The following NKAIN2 variants were observed in gnomAD, a reference collection of about 807,000 sequenced individuals.
NKAIN2 encodes the protein sodium/potassium-transporting ATPase subunit beta-1-interacting protein 2.
NKAIN2 carries 14 observed loss-of-function variants against 32.6 expected under a neutral mutation model. The observed-to-expected ratio is 0.43, with a 90% CI of 0.28 to 0.67. NKAIN2 has a LOEUF of 0.67. Among genes scored for constraint, NKAIN2 ranks in the 30% least tolerant of loss-of-function variants. The pLI, the probability that NKAIN2 is intolerant of heterozygous loss-of-function variation, is 0.17. For missense variants in NKAIN2, 198 were observed against 258.3 expected, an observed-to-expected ratio of 0.77 and a Z score of 1.60; for synonymous variants, 80 against 87.2, an observed-to-expected ratio of 0.92 and a Z score of 0.46.
intron 1 of NKAIN2, among the ~76,000 whole-genome samples, chr6:123,859,465 C>T (rs550997618): frequency 6.6e-6 from 1 of 152,130 alleles, no homozygotes; most frequent in Non-Finnish European, 1.5e-5. Flanking sequence ...AATACATTTT[C>T]CCTGGACTTG....
At chr6:124,163,386 C>T (rs1788373504) in intron 1 of NKAIN2, among the ~76,000 whole-genome samples, 1 of 151,554 alleles carries the variant, frequency 6.6e-6, no homozygotes, top group Non-Finnish European at 1.5e-5. Context: ...AAAAGGCCAA[C>T]AAGAATGTCT....
chr6:124,034,695 T>C (rs1309571075), intron 1 of NKAIN2, among the ~76,000 whole-genome samples: 1 of 152,064 alleles, frequency 6.6e-6, no homozygotes, highest in Non-Finnish European at 1.5e-5. Context: ...GAAGTATCCA[T>C]AGTGGTTTCC....
chr6:123,920,378 CATACTT>C (rs560557438), intron 1 of NKAIN2, among the ~76,000 whole-genome samples: 254 of 152,212 alleles, frequency 1.7e-3, no homozygotes, highest in Non-Finnish European at 3.1e-3. Flanking sequence ...ATTTTAAACT[CATACTT>C]AGATTTAGTG....
chr6:124,269,630 G>A (rs1013444476), intron 1 of NKAIN2, among the ~76,000 whole-genome samples: 1 of 151,756 alleles, frequency 6.6e-6, no homozygotes, highest in Non-Finnish European at 1.5e-5. Flanking sequence ...ACCACATTTG[G>A]CTAATTTTTA....
intron 4 of NKAIN2, among the ~76,000 whole-genome samples, chr6:124,740,140 TC>T (rs1777133817): frequency 6.6e-6 from 1 of 151,774 alleles, no homozygotes; most frequent in South Asian, 2.1e-4. Flanking sequence ...TTTTTTTTTT[TC>T]TTTCCATCAT....
At position 123,842,928 on chromosome 6, in the gene NKAIN2, A is replaced by C. The variant is rs550996104; in HGVS notation, c.54+38674A>C. Among the ~76,000 whole-genome samples the C allele has an allele frequency of 1.2e-3, 188 of 152,192 alleles. 2 individuals are homozygous for C. The highest frequency in any genetic ancestry group is 0.01 in the Middle Eastern group (3 of 294). The stretch of plus-strand genomic sequence containing the variant: ...TTATCTATTCAGTGCTGTAATACAT[A>C]CCTTCAGGGTGGCTGATTTACTCAG... On this transcript the variant is annotated intron_variant, in intron 1 of 6. Transcript: ENST00000368417.
intron 3 of NKAIN2, among the ~76,000 whole-genome samples, chr6:124,625,977 T>C (rs1783316496): frequency 6.6e-6 from 1 of 151,928 alleles, no homozygotes; most frequent in Non-Finnish European, 1.5e-5. Context: ...AGTTTTAGGG[T>C]ACATGTGCAC....
At chr6:124,329,005 A>C (rs1265579412) in intron 2 of NKAIN2, among the ~76,000 whole-genome samples, 3 of 152,180 alleles carry the variant, frequency 2.0e-5, no homozygotes, top group Non-Finnish European at 4.4e-5. Context: ...TCCAAGGTGA[A>C]TATACAAGAT....
chr6:124,412,379 T>C (rs1054135134), intron 3 of NKAIN2, among the ~76,000 whole-genome samples: 1 of 152,164 alleles, frequency 6.6e-6, no homozygotes, highest in African/African-American at 2.4e-5. Context: ...TGTTTGTTAG[T>C]TTTCCGTCTG....
chr6:124,598,692 T>A (rs1002809501), intron 3 of NKAIN2, among the ~76,000 whole-genome samples: 15 of 124,808 alleles, frequency 1.2e-4, no homozygotes, highest in African/African-American at 3.7e-4. Flanking sequence ...AAAAAAAAAA[T>A]TATACTATTT....
chr6:124,205,163 A>G (rs1162832521), intron 1 of NKAIN2, among the ~76,000 whole-genome samples: 1 of 151,874 alleles, frequency 6.6e-6, no homozygotes, highest in Non-Finnish European at 1.5e-5. Context: ...AAAATAGTCC[A>G]TAGGCCAAAT....
chr6:124,798,763 G>C (rs896429744), intron 5 of NKAIN2, among the ~76,000 whole-genome samples: 2 of 152,172 alleles, frequency 1.3e-5, no homozygotes, highest in Non-Finnish European at 2.9e-5. Flanking sequence ...GGCCCAGAAA[G>C]ATTAAATGAC....
chr6:123,866,824 A>T (rs7744173), intron 1 of NKAIN2, among the ~76,000 whole-genome samples: 52,867 of 151,896 alleles, frequency 0.35, 9,628 homozygotes, highest in Non-Finnish European at 0.39. Flanking sequence ...TGATAGCCTT[A>T]CTTTCTCTTA....
Position 124,346,400 on chromosome 6 carries a change from C to T in NKAIN2, c.193-8867C>T, listed in dbSNP as rs149899931. On this transcript the variant is annotated intron_variant, in intron 2 of 6. Coordinates refer to ENST00000368417, the MANE Select transcript of NKAIN2 (RefSeq NM_001040214.3). The stretch of plus-strand genomic sequence containing the variant: ...TTCCTGGGTATCCCTGTCAACTTTC[C>T]GTCTCATTGATCTGTCTAATGTTGA... Among the ~76,000 whole-genome samples, 827 of 152,014 alleles carry T rather than the reference C, an allele frequency of 5.4e-3. 4 individuals are homozygous for T. Among genetic ancestry groups the T allele is most frequent in the African/African-American group, 0.019 (770 of 41,450 alleles).
At chr6:124,103,979 A>G (rs1410546035) in intron 1 of NKAIN2, among the ~76,000 whole-genome samples, 1 of 152,146 alleles carries the variant, frequency 6.6e-6, no homozygotes, top group African/African-American at 2.4e-5. Flanking sequence ...CCCAGTACTC[A>G]GGAGGCTGAG....
chr6:123,807,297 C>T (rs1296738977), intron 1 of NKAIN2, among the ~76,000 whole-genome samples: 4 of 151,994 alleles, frequency 2.6e-5, no homozygotes, highest in African/African-American at 4.8e-5. Context: ...TATGGTTATG[C>T]CAACTTCAGA....
chr6:124,659,501 A>ATGTG (rs3050769), intron 4 of NKAIN2, among the ~76,000 whole-genome samples: 52 of 150,522 alleles, frequency 3.5e-4, no homozygotes, highest in South Asian at 1.0e-3. Context: ...GTGTGTGCTT[A>ATGTG]TGTGTGTGTG....
chr6:123,997,655 G>C (rs370338934), intron 1 of NKAIN2, among the ~76,000 whole-genome samples: 1 of 143,816 alleles, frequency 7.0e-6, no homozygotes, highest in African/African-American at 2.6e-5. Context: ...CCAGGCTGGA[G>C]TGCAGTGGCG....
intron 3 of NKAIN2, among the ~76,000 whole-genome samples, chr6:124,446,428 G>A (rs988464927): frequency 2.6e-5 from 4 of 151,922 alleles, no homozygotes; most frequent in African/African-American, 4.8e-5. Context: ...CCACAGCCTC[G>A]AATTCCTGGG....
Sources: allele counts gnomAD v4.1 joint callset (sites outside exome capture counted in the v4.1 genomes callset), GRCh38; gene constraint gnomAD v4.1.1; transcripts MANE v1.5; gene names NCBI Gene and HGNC (gene_info 2026-07-23, HGNC 2026-07-21).